Variants in SASH3 observed in about 807,000 individuals in gnomAD.
SASH3 encodes the protein SAM and SH3 domain-containing protein 3.
A neutral mutation model predicts 26.1 loss-of-function variants in SASH3; 7 were observed. The ratio of observed to expected loss-of-function variants is 0.27; its 90% CI spans 0.15 to 0.50. The LOEUF is 0.50. Among genes scored for constraint, SASH3 ranks in the 20% least tolerant of loss-of-function variants. SASH3 has a pLI of 0.98. For synonymous variants in SASH3, 138 were observed against 136.8 expected, an observed-to-expected ratio of 1.01 and a Z score of -0.06; for missense variants, 231 against 318.3, an observed-to-expected ratio of 0.73 and a Z score of 2.09.
At chrX:129,781,383 G>A (rs1020351262) in intron 1 of SASH3, among the ~76,000 whole-genome samples, 5 of 111,718 alleles carry the variant, frequency 4.5e-5, no homozygotes, top group Non-Finnish European at 7.5e-5. Context: ...TGGTGGGCGG[G>A]GGAGGGGGGA....
At chrX:129,783,092 G>A (rs1682213974) in intron 1 of SASH3, among the ~76,000 whole-genome samples, 1 of 111,201 alleles carries the variant, frequency 9.0e-6, no homozygotes, top group African/African-American at 3.3e-5. Flanking sequence ...CCCACACCCT[G>A]CCAGCATGCA....
chrX:129,782,585 G>A (rs529365291), intron 1 of SASH3, among the ~76,000 whole-genome samples: 8 of 112,388 alleles, frequency 7.1e-5, no homozygotes, highest in East Asian at 5.6e-4. Context: ...GGAAGCTGCC[G>A]AGCAGGGATC....
At chrX:129,788,137 G>GGGGGCTGGC in intron 2 of SASH3, 67 bp downstream of exon 2, 1 of 354,269 alleles carries the variant, frequency 2.8e-6, no homozygotes, top group Admixed American at 3.5e-5. Context: ...GGGTGGGAGG[G>GGGGGCTGGC]AAGAGGGTGA....
At chrX:129,791,170 G>T in intron 4 of SASH3, 89 bp downstream of exon 4, 1 of 987,128 alleles carries the variant, frequency 1.0e-6, no homozygotes, top group Non-Finnish European at 1.4e-6. Flanking sequence ...TGGGCGGGGG[G>T]TAAGAGAAAT....
chrX:129,787,638 A>G (rs1413156630), intron 1 of SASH3, among the ~76,000 whole-genome samples: 1 of 111,881 alleles, frequency 8.9e-6, no homozygotes, highest in Non-Finnish European at 1.9e-5. Context: ...CTAGTAGTAG[A>G]TACACATTTA....
At chrX:129,788,137 G>GGGGGGGGGGGGGGGGGGGGGC in intron 2 of SASH3, 67 bp downstream of exon 2, 1 of 354,265 alleles carries the variant, frequency 2.8e-6, no homozygotes, top group Admixed American at 3.5e-5. Context: ...GGGTGGGAGG[G>GGGGGGGGGGGGGGGGGGGGGC]AAGAGGGTGA....
At chrX:129,785,959 T>C (rs1294102636) in intron 1 of SASH3, among the ~76,000 whole-genome samples, 1 of 110,836 alleles carries the variant, frequency 9.0e-6, no homozygotes, top group Non-Finnish European at 1.9e-5. Context: ...AGGAAATAAA[T>C]GGAAGGTGGA....
rs1470641941 is a variant in SASH3 at position 129,780,173 on chromosome X, A to G, written c.57+19A>G. 41 of 1,183,644 alleles carry G rather than the reference A, an allele frequency of 3.5e-5. No individual in the cohort carries two copies. The highest frequency in any genetic ancestry group is 4.5e-5 in the Non-Finnish European group (39 of 874,253). On this transcript the variant is annotated intron_variant, in intron 1 of 7. Coordinates refer to ENST00000356892, the MANE Select transcript of SASH3 (RefSeq NM_018990.4). ...GAAAAAGGTGAGGAGCATTTTGGGA[A>G]CTCACATCTTCCTTTCCTCTGCTTG...
chrX:129,786,968 C>G (rs1479026674), intron 1 of SASH3, among the ~76,000 whole-genome samples: 1 of 104,090 alleles, frequency 9.6e-6, no homozygotes, highest in Non-Finnish European at 2.0e-5. Flanking sequence ...GCACTCCAGC[C>G]TGGGTGACAG....
chrX:129,783,952 T>C (rs1295843268), intron 1 of SASH3, among the ~76,000 whole-genome samples: 1 of 111,447 alleles, frequency 9.0e-6, no homozygotes, highest in Admixed American at 9.5e-5. Flanking sequence ...ATAATATCCA[T>C]ACAGAGAAGT....
intron 1 of SASH3, among the ~76,000 whole-genome samples, chrX:129,783,554 T>C (rs1012010676): frequency 2.7e-5 from 3 of 112,406 alleles, no homozygotes; most frequent in Non-Finnish European, 5.6e-5. Flanking sequence ...TGCGCCACCC[T>C]GCCTAGGGCA....
At chrX:129,789,137 G>T (rs1476178321) in intron 3 of SASH3, among the ~76,000 whole-genome samples, 1 of 49,909 alleles carries the variant, frequency 2.0e-5, no homozygotes, top group African/African-American at 1.3e-4. Context: ...AAGAAAGAAA[G>T]AAAGAAAGAA....
chrX:129,789,960 G>T (rs1041887241), intron 3 of SASH3, among the ~76,000 whole-genome samples: 7 of 112,155 alleles, frequency 6.2e-5, no homozygotes, highest in Non-Finnish European at 9.4e-5. Context: ...GGTAAACTGG[G>T]CATGGTGGTG....
chrX:129,787,138 C>A (rs1459009728), intron 1 of SASH3, among the ~76,000 whole-genome samples: 1 of 111,590 alleles, frequency 9.0e-6, no homozygotes, highest in African/African-American at 3.3e-5. Context: ...CCCGTCTCCA[C>A]TAAAAATACA....
Position 129,794,936 on chromosome X carries a change from G to A in SASH3, c.*1104G>A, listed in dbSNP as rs1374516081. The A allele has an allele frequency of 9.0e-6, 1 of 111,581 alleles. No homozygotes were observed. Among genetic ancestry groups the A allele is most frequent in the African/African-American group, 3.3e-5 (1 of 30,636 alleles). The allele number at this position is 111,581 out of a possible 1,213,427, so 9.2% of individuals were successfully genotyped here. ...TTTTGGTGTACATTGAGCCCCAGAA[G>A]GAAAGGAGAGTATCTGTGAGTGGGG... On this transcript the variant is annotated 3_prime_UTR_variant, in exon 8 of 8. Transcript: ENST00000356892.
Position 129,794,304 on chromosome X carries a change from C to G in SASH3, c.*472C>G. The G allele has an allele frequency of 8.0e-6, 1 of 125,438 alleles. No homozygotes were observed. The highest frequency in any genetic ancestry group is 1.6e-5 in the Non-Finnish European group (1 of 61,044). The allele number at this position is 125,438 out of a possible 1,213,427, so 10.3% of individuals were successfully genotyped here. A position where few individuals can be genotyped will look rare whatever the true frequency, so the allele number is the denominator to read the frequency against. On this transcript the variant is annotated 3_prime_UTR_variant, in exon 8 of 8. Transcript: ENST00000356892. Reference sequence around the variant, plus strand: ...GGCCATTTAAAAGAACCCAAACTGACCATGGGTAAATCCAGTTCCCCTAAA... The same window carrying G: ...GGCCATTTAAAAGAACCCAAACTGAGCATGGGTAAATCCAGTTCCCCTAAA...
intron 2 of SASH3, 67 bp downstream of exon 2, chrX:129,788,137 G>GCCGGC: frequency 2.8e-6 from 1 of 354,274 alleles, no homozygotes; most frequent in Non-Finnish European, 5.4e-6. Flanking sequence ...GGGTGGGAGG[G>GCCGGC]AAGAGGGTGA....
At chrX:129,790,250 G>A (rs1226219166) in intron 3 of SASH3, among the ~76,000 whole-genome samples, 2 of 110,850 alleles carry the variant, frequency 1.8e-5, no homozygotes, top group South Asian at 3.9e-4. Context: ...CAGACAACAC[G>A]TCCAGTGATG....
intron 3 of SASH3, among the ~76,000 whole-genome samples, chrX:129,789,125 G>A (rs868858390): frequency 9.8e-5 from 4 of 40,635 alleles, no homozygotes; most frequent in African/African-American, 6.3e-4. Context: ...AAGAAAGAAA[G>A]AAAGAAAGAA....
Sources: gnomAD v4.1 joint callset for allele counts (sites outside exome capture counted in the v4.1 genomes callset) on GRCh38, gnomAD v4.1.1 for gene constraint, MANE v1.5 for transcripts, NCBI Gene and HGNC (gene_info 2026-07-23, HGNC 2026-07-21) for gene names.